LRP5: variants seen among roughly 807,000 people sequenced by gnomAD.
The protein encoded by LRP5 is low-density lipoprotein receptor-related protein 5.
In LRP5, 62 loss-of-function variants were observed where a neutral mutation model predicts 154.1. That is an observed-to-expected ratio of 0.40 (90% CI 0.33 to 0.50). The LOEUF is 0.50. Ranked by LOEUF, LRP5 falls within the 20% of genes least tolerant of loss-of-function variation. The pLI, the probability that LRP5 is intolerant of heterozygous loss-of-function variation, is 0.55. For synonymous variants in LRP5, 966 were observed against 1,011.5 expected (o/e 0.96, Z 0.85); for missense variants, 1,915 against 2,336.7 (o/e 0.82, Z 3.72).
At chr11:68,319,422 C>T (rs1412386225) in intron 1 of LRP5, among the ~76,000 whole-genome samples, 1 of 152,112 alleles carries the variant, frequency 6.6e-6, no homozygotes, top group African/African-American at 2.4e-5. Context: ...GCTTTGCTGC[C>T]CAGGCTGGCC....
Position 68,413,915 on chromosome 11 carries a change from C to A in LRP5, c.2730C>A (p.Asn910Lys), listed in dbSNP as rs376944217. Residue 910 changes from asparagine to lysine, a missense_variant, in exon 12 of 23, where the codon AAC becomes AAA. Physicochemically the swap from Asn to Lys is moderately conservative, Grantham distance 94. This residue lies in a region of LRP5 where 1,094 missense variants were observed against 1,210.1 expected (regional missense o/e 0.90). Transcript: ENST00000294304. This position sits in a 1 kb window ranked among gnomAD's most constrained non-coding sequence, Gnocchi z 5.1. ...GCCTCAATGACTGTATGCACAACAACGGGCAGTGTGGGCAGCTGTGCCTTG... is the reference window on the plus strand; with the variant it reads ...GCCTCAATGACTGTATGCACAACAAAGGGCAGTGTGGGCAGCTGTGCCTTG... ...QDGLNDCMHN[N>K]GQCGQLCLAI... is the part of the protein sequence containing the mutation. The A allele has an allele frequency of 6.2e-7, 1 of 1,612,388 alleles. No individual in the cohort carries two copies.
rs1468677469 is a variant in LRP5, at chr11:68,322,538, C to T, written c.91+9733C>T. On this transcript the variant is annotated intron_variant, in intron 1 of 22. Coordinates refer to ENST00000294304, the MANE Select transcript of LRP5 (RefSeq NM_002335.4). ...CCTGAGCAGACCTGCCCATCTTCTGCCCCTGGTGTGGGCACTTCTCTTGCC... is the reference window on the plus strand; with the variant it reads ...CCTGAGCAGACCTGCCCATCTTCTGTCCCTGGTGTGGGCACTTCTCTTGCC... Among the ~76,000 whole-genome samples the T allele has an allele frequency of 7.2e-5, 11 of 152,376 alleles. No individual in the cohort carries two copies. In the East Asian group the frequency reaches 1.9e-3, roughly 27 times the overall value.
At chr11:68,436,167 CAGA>C (rs1271206581) in intron 18 of LRP5, among the ~76,000 whole-genome samples, 1 of 152,228 alleles carries the variant, frequency 6.6e-6, no homozygotes, top group East Asian at 1.9e-4. Flanking sequence ...TGCTCTGTTC[CAGA>C]AGCTTTCTTC....
chr11:68,442,699 G>A (rs938845674), intron 21 of LRP5, among the ~76,000 whole-genome samples: 5 of 152,218 alleles, frequency 3.3e-5, no homozygotes, highest in East Asian at 1.9e-4. Flanking sequence ...CCCAGCTGCC[G>A]TGTGCACCCT....
chr11:68,358,177 A>G (rs1286497168), intron 3 of LRP5, among the ~76,000 whole-genome samples: 3 of 151,402 alleles, frequency 2.0e-5, no homozygotes, highest in East Asian at 1.9e-4. Context: ...GTGCAATGTC[A>G]TAATCTCAGC....
intron 1 of LRP5, among the ~76,000 whole-genome samples, chr11:68,328,340 A>G (rs1461701900): frequency 6.6e-6 from 1 of 152,226 alleles, no homozygotes; most frequent in African/African-American, 2.4e-5. Flanking sequence ...TATTTTTTCA[A>G]CACTTAAAGA....
intron 17 of LRP5, among the ~76,000 whole-genome samples, chr11:68,433,082 G>T (rs1051810496): frequency 6.6e-6 from 1 of 152,204 alleles, no homozygotes. Context: ...GCGCACGCTG[G>T]TCACCACAGA....
At chr11:68,433,903 G>A (rs1425787632) in intron 18 of LRP5, 65 bp downstream of exon 18, 1 of 1,476,302 alleles carries the variant, frequency 6.8e-7, no homozygotes, top group South Asian at 1.2e-5. Flanking sequence ...ACGAGCTTGG[G>A]GCTGCCTCCG....
intron 6 of LRP5, among the ~76,000 whole-genome samples, chr11:68,389,339 T>C (rs1412146374): frequency 6.6e-6 from 1 of 152,084 alleles, no homozygotes; most frequent in Non-Finnish European, 1.5e-5. Flanking sequence ...GACACTGGCA[T>C]CTACTGACAC....
intron 1 of LRP5, among the ~76,000 whole-genome samples, chr11:68,340,812 A>G (rs776584538): frequency 2.5e-4 from 38 of 152,230 alleles, no homozygotes; most frequent in Non-Finnish European, 4.4e-4. Flanking sequence ...ATTACAATAT[A>G]TTACCCAGAG....
At chr11:68,339,954 T>C (rs1050485141) in intron 1 of LRP5, among the ~76,000 whole-genome samples, 1 of 152,120 alleles carries the variant, frequency 6.6e-6, no homozygotes, top group Non-Finnish European at 1.5e-5. Context: ...TTAAAAGCAG[T>C]TGTCAACTGG....
intron 5 of LRP5, among the ~76,000 whole-genome samples, chr11:68,370,179 C>T (rs753454877): frequency 2.6e-5 from 4 of 152,172 alleles, no homozygotes; most frequent in Non-Finnish European, 5.9e-5. Flanking sequence ...GAGCCCCTGG[C>T]TCTTTGCTGG....
chr11:68,378,815 TG>T (rs1266413256), intron 5 of LRP5, among the ~76,000 whole-genome samples: 1 of 151,792 alleles, frequency 6.6e-6, no homozygotes, highest in Non-Finnish European at 1.5e-5. Flanking sequence ...GAGTTGGGGT[TG>T]GGGGGTGGAT....
At chr11:68,361,019 A>G (rs1341853868) in intron 3 of LRP5, among the ~76,000 whole-genome samples, 2 of 137,492 alleles carry the variant, frequency 1.5e-5, no homozygotes, top group African/African-American at 2.7e-5. Context: ...AAAAAAAAAA[A>G]AAAAGGCTGG....
chr11:68,423,422 A>AGGGGTCTCCGCCAGTGCCC lies in LRP5; in HGVS notation c.3028-66_3028-48dup, dbSNP rs2098666954. 1 of 1,455,622 alleles carries AGGGGTCTCCGCCAGTGCCC rather than the reference A, an allele frequency of 6.9e-7. No individual in the cohort carries two copies. Among genetic ancestry groups the AGGGGTCTCCGCCAGTGCCC allele is most frequent in the East Asian group, 2.3e-5 (1 of 44,088 alleles). The allele number at this position is 1,455,622 out of a possible 1,614,324, so 90.2% of individuals were successfully genotyped here. A position where few individuals can be genotyped will look rare whatever the true frequency, so the allele number is the denominator to read the frequency against. ...GTGCCCGGGGGTCTCCGCCAGTGCC[A>AGGGGTCTCCGCCAGTGCCC]GGGGTCTCCGCCAGTGCCCAGGGGT... is the stretch of plus-strand genomic sequence containing the variant. On this transcript the variant is annotated intron_variant, in intron 13 of 22. Coordinates refer to ENST00000294304, the MANE Select transcript of LRP5 (RefSeq NM_002335.4). This position sits in a 1 kb window ranked among gnomAD's most constrained non-coding sequence, Gnocchi z 4.7.
At chr11:68,357,575 A>T in intron 2 of LRP5, 75 bp from the exon 3 acceptor site, 1 of 1,320,302 alleles carries the variant, frequency 7.6e-7, no homozygotes, top group Non-Finnish European at 1.1e-6. Context: ...CTGTTGTTTC[A>T]TGTCTGCATC....
intron 3 of LRP5, among the ~76,000 whole-genome samples, chr11:68,358,844 G>A (rs573473816): frequency 2.0e-5 from 3 of 152,350 alleles, no homozygotes; most frequent in South Asian, 2.1e-4. Context: ...TGCTAGCCCT[G>A]TGCTAGGTGT....
At chr11:68,330,718 G>A (rs540853032) in intron 1 of LRP5, among the ~76,000 whole-genome samples, 1 of 152,252 alleles carries the variant, frequency 6.6e-6, no homozygotes, top group African/African-American at 2.4e-5. Flanking sequence ...TTCCACAGTA[G>A]CCAAATCAAG....
At chr11:68,384,896 G>T (rs1025296310) in intron 5 of LRP5, among the ~76,000 whole-genome samples, 2 of 152,220 alleles carry the variant, frequency 1.3e-5, no homozygotes, top group Non-Finnish European at 2.9e-5. Flanking sequence ...CTGGGCCTGA[G>T]CGGCGGGACC....
Sources: gnomAD v4.1 joint callset for allele counts (sites outside exome capture counted in the v4.1 genomes callset) on GRCh38, gnomAD v4.1.1 for gene constraint, gnomAD v4.1.1 regional missense constraint, Gnocchi (gnomAD v3.1) non-coding constraint, MANE v1.5 for transcripts, NCBI Gene and HGNC (gene_info 2026-07-23, HGNC 2026-07-21) for gene names.